The following IGFBP3 variants were observed in gnomAD, a reference collection of about 807,000 sequenced individuals.
The protein encoded by IGFBP3 is insulin-like growth factor-binding protein 3.
IGFBP3 carries 9 observed loss-of-function variants against 28.6 expected under a neutral mutation model. The ratio of observed to expected loss-of-function variants is 0.31; its 90% confidence interval spans 0.19 to 0.55. The LOEUF is 0.55. Among genes scored for constraint, IGFBP3 ranks in the 20% least tolerant of loss-of-function variants. The pLI is 0.93. For missense variants in IGFBP3, 382 were observed against 428.9 expected, an observed-to-expected ratio of 0.89 and a Z score of 0.97; for synonymous variants, 185 against 188.2, an observed-to-expected ratio of 0.98 and a Z score of 0.14.
At chr7:45,917,460 C>A in intron 1 of IGFBP3, 21 bp from the exon 2 acceptor site, 1 of 1,571,098 alleles carries the variant, frequency 6.4e-7, no homozygotes, top group Non-Finnish European at 8.7e-7. Context: ...CCAAGAGAGA[C>A]AAACACATGA....
At chr7:45,916,113 T>G (rs1784605952) in intron 3 of IGFBP3, among the ~76,000 whole-genome samples, 1 of 152,202 alleles carries the variant, frequency 6.6e-6, no homozygotes, top group Admixed American at 6.5e-5. Context: ...GGGACGATTG[T>G]GGGATTTCAG....
rs1784679273 is a variant in IGFBP3, at chr7:45,920,937, G to A, written c.204C>T (p.Gly68=). The change falls in exon 1 of 5, where the codon GGC becomes GGT. Residue 68 remains glycine, a synonymous_variant. Coordinates refer to ENST00000613132, the MANE Select transcript of IGFBP3 (RefSeq NM_000598.5). ...CAELVREPGC[G]CCLTCALSEG... ...CGCTCAGTGCGCACGTCAGGCAGCA[G>A]CCGCAGCCCGGCTCGCGCACCAGCT... 1 of 1,397,744 alleles carries A rather than the reference G, an allele frequency of 7.2e-7. No individual in the cohort carries two copies. Among genetic ancestry groups the A allele is most frequent in the Non-Finnish European group, 9.2e-7 (1 of 1,081,682 alleles). 86.6% of individuals were successfully genotyped at this position (1,397,744 alleles called of 1,614,324 possible).
In IGFBP3 at chr7:45,916,637, G is replaced by C. The variant is rs1309875123; in HGVS notation, c.661C>G (p.Leu221Val). 6.2e-7 allele frequency: 1 copy of C among 1,613,320 alleles called. No homozygotes were observed. Among genetic ancestry groups the C allele is most frequent in the Admixed American group, 1.7e-5 (1 of 60,006 alleles). The change falls in exon 3 of 5, where the codon CTG becomes GTG. Residue 221 changes from leucine to valine, a missense_variant. Transcript: ENST00000613132. ...GPCRREMEDT[L>V]NHLKFLNVLS... is the part of the protein sequence containing the mutation. ...ACATTGAGGAACTTCAGGTGATTCAGTGTGTCTTCCATTTCTCTACGGCAG... is the reference window on the plus strand; with the variant it reads ...ACATTGAGGAACTTCAGGTGATTCACTGTGTCTTCCATTTCTCTACGGCAG...
chr7:45,920,488 ATTT>A, intron 1 of IGFBP3: 1 of 393,232 alleles, frequency 2.5e-6, no homozygotes, highest in South Asian at 1.2e-4. Flanking sequence ...CCTTTAACCC[ATTT>A]TCACTGAAAG....
intron 1 of IGFBP3, among the ~76,000 whole-genome samples, chr7:45,918,168 T>C (rs1583671919): frequency 6.6e-6 from 1 of 152,064 alleles, no homozygotes; most frequent in Non-Finnish European, 1.5e-5. Context: ...TGCTGGTGCC[T>C]GCCTAAGTGA....
At chr7:45,919,776 C>T (rs1326689394) in intron 1 of IGFBP3, among the ~76,000 whole-genome samples, 1 of 152,168 alleles carries the variant, frequency 6.6e-6, no homozygotes, top group Non-Finnish European at 1.5e-5. Flanking sequence ...AAACAACCCC[C>T]GCTCCTTTTT....
In IGFBP3 at chr7:45,915,002, C is replaced by A. The variant is rs556709733; in HGVS notation, c.751-57G>T. ...AATGCTCCTGGGTCTGGTGTCAGGT[C>A]GGTGGCCAGGGCGCATGATGGTTTG... On this transcript the variant is annotated intron_variant, in intron 3 of 4. Coordinates refer to ENST00000613132, the MANE Select transcript of IGFBP3 (RefSeq NM_000598.5). 9 of 1,601,248 alleles carry A rather than the reference C, an allele frequency of 5.6e-6. No individual in the cohort carries two copies. The East Asian group carries it at 1.8e-4, about 32-fold the overall frequency.
At chr7:45,914,990 C>T (rs781249837) in intron 3 of IGFBP3, 45 bp from the exon 4 acceptor site, 15 of 1,609,524 alleles carry the variant, frequency 9.3e-6, no homozygotes, top group Non-Finnish European at 1.2e-5. Context: ...GCTCCTGGGT[C>T]TGGTGTCAGG....
rs1784612851 is a variant in IGFBP3, at chr7:45,916,679, G to C, written c.631-12C>G. ...CTACGGCAGGGACCCTGGGGATCAG[G>C]AAGGACCAGAGCAACAGAGTCACAG... On this transcript the variant is annotated splice_polypyrimidine_tract_variant and intron_variant, in intron 2 of 4. Transcript: ENST00000613132. The C allele has an allele frequency of 6.2e-7, 1 of 1,610,370 alleles. No individual in the cohort carries two copies. The highest frequency in any genetic ancestry group is 1.1e-5 in the South Asian group (1 of 90,906).
chr7:45,919,923 C>G (rs1005937219), intron 1 of IGFBP3: 2 of 150,358 alleles, frequency 1.3e-5, no homozygotes, highest in Admixed American at 6.6e-5. Flanking sequence ...CTCATTCCCC[C>G]CCCCATTTCA....
chr7:45,916,788 A>G, intron 2 of IGFBP3, 121 bp from the exon 3 acceptor site: 1 of 1,057,664 alleles, frequency 9.5e-7, no homozygotes, highest in South Asian at 1.5e-5. Flanking sequence ...CTCCTCAGAT[A>G]CCTTATGTCT....
At chr7:45,915,017 A>C in intron 3 of IGFBP3, 72 bp from the exon 4 acceptor site, 1 of 1,567,238 alleles carries the variant, frequency 6.4e-7, no homozygotes, top group Non-Finnish European at 8.7e-7. Flanking sequence ...GCCAGGGCGC[A>C]TGATGGTTTG....
Position 45,914,884 on chromosome 7 carries a change from G to T in IGFBP3, c.812C>A (p.Pro271His). The T allele has an allele frequency of 6.2e-7, 1 of 1,614,142 alleles. No individual in the cohort carries two copies. Among genetic ancestry groups the T allele is most frequent in the Non-Finnish European group, 8.5e-7 (1 of 1,179,992 alleles). ...CCCCTTGGTGGTGTAGCCTGGGAGA[G>T]GCTGCCCATACTTATCCACACACCA... ...FCWCVDKYGQ[P>H]LPGYTTKGKE... The change falls in exon 4 of 5, where the codon CCT (proline) becomes CAT (histidine). Residue 271 changes from proline (P) to histidine (H), a missense_variant. Transcript: ENST00000613132.
Position 45,917,136 on chromosome 7 carries a change from A to G in IGFBP3, c.630+77T>C. 3.3e-6 allele frequency: 4 copies of G among 1,213,258 alleles called. No homozygotes were observed. In the South Asian group the frequency reaches 5.2e-5, roughly 16 times the overall value. The allele number at this position is 1,213,258 out of a possible 1,614,324, so 75.2% of individuals were successfully genotyped here. A position where few individuals can be genotyped will look rare whatever the true frequency, so the allele number is the denominator to read the frequency against. ...AGGCGCTGGGGTTTGTTGAGTAAGAATTGCCCTCAAGAGGCTCTGAGTACC... is the reference window on the plus strand; with the variant it reads ...AGGCGCTGGGGTTTGTTGAGTAAGAGTTGCCCTCAAGAGGCTCTGAGTACC... On this transcript the variant is annotated intron_variant, in intron 2 of 4. Coordinates refer to ENST00000613132, the MANE Select transcript of IGFBP3 (RefSeq NM_000598.5).
chr7:45,914,933 T>C lies in IGFBP3; in HGVS notation c.763A>G (p.Lys255Glu), dbSNP rs1156963285. 6.2e-7 allele frequency: 1 copy of C among 1,614,014 alleles called. No individual in the cohort carries two copies. Among genetic ancestry groups the C allele is most frequent in the Non-Finnish European group, 8.5e-7 (1 of 1,180,012 alleles). Residue 255 changes from lysine (K) to glutamate (E), a missense_variant, in exon 4 of 5, where the codon AAA becomes GAA. Coordinates refer to ENST00000613132, the MANE Select transcript of IGFBP3 (RefSeq NM_000598.5). ...CAGCAGAAGCCCCGCTTCCTGCCTT[T>C]GGAAGGGCGACACTGTGGGAGAGAA... ...FYKKKQCRPS[K>E]GRKRGFCWCV...
chr7:45,914,752 G>C, intron 4 of IGFBP3, 53 bp downstream of exon 4: 1 of 1,581,122 alleles, frequency 6.3e-7, no homozygotes, highest in Non-Finnish European at 8.6e-7. Flanking sequence ...CCTGAGGCTG[G>C]TCCAAGGACA....
Position 45,916,589 on chromosome 7 carries a change from T to C in IGFBP3, c.709A>G (p.Ile237Val), listed in dbSNP as rs759318731. The C allele has an allele frequency of 1.2e-5, 19 of 1,612,910 alleles. 1 individual carries two copies. The South Asian group carries it at 2.0e-4, about 17-fold the overall frequency. ...AATCCCTTCTTGTCACAGTTGGGAA[T>C]GTGTACACCCCTGGGACTCAGCACA... ...LNVLSPRGVH[I>V]PNCDKKGFYK... The change falls in exon 3 of 5, where the codon ATT becomes GTT. Residue 237 changes from isoleucine (I) to valine (V), a missense_variant. Physicochemically the swap from Ile to Val is conservative, Grantham distance 29. Transcript: ENST00000613132.
chr7:45,917,590 G>A lies in IGFBP3; in HGVS notation c.404-151C>T, dbSNP rs569590035. The A allele has an allele frequency of 5.7e-5, 36 of 629,594 alleles. No individual in the cohort carries two copies. In the African/African-American group the frequency reaches 5.9e-4, roughly 10 times the overall value. 39.0% of individuals were successfully genotyped at this position (629,594 alleles called of 1,614,324 possible). On this transcript the variant is annotated intron_variant, in intron 1 of 4. Transcript: ENST00000613132. ...TTTTTTTTTAAAATACCTCGATGAA[G>A]TATTATTCCATCATACTACTCACTA...
At position 45,916,671 on chromosome 7, in the gene IGFBP3, G is replaced by A. The variant is rs770637465; in HGVS notation, c.631-4C>T. ...CCATTTCTCTACGGCAGGGACCCTG[G>A]GGATCAGGAAGGACCAGAGCAACAG... On this transcript the variant is annotated splice_polypyrimidine_tract_variant and splice_region_variant and intron_variant, in intron 2 of 4. Transcript: ENST00000613132. The A allele has an allele frequency of 6.2e-7, 1 of 1,611,884 alleles. No individual in the cohort carries two copies. The highest frequency in any genetic ancestry group is 1.1e-5 in the South Asian group (1 of 90,942).
Sources: gnomAD v4.1 joint callset for allele counts (sites outside exome capture counted in the v4.1 genomes callset) on GRCh38, gnomAD v4.1.1 for gene constraint, MANE v1.5 for transcripts, NCBI Gene and HGNC (gene_info 2026-07-23, HGNC 2026-07-21) for gene names.